The following CBFB variants were observed in gnomAD, a reference collection of about 807,000 sequenced individuals.
The protein encoded by CBFB is CBF-beta.
In CBFB, 9 loss-of-function variants were observed where a neutral mutation model predicts 30.4. That is an observed-to-expected ratio of 0.30 (90% CI 0.18 to 0.52). The LOEUF (loss-of-function observed/expected upper bound fraction) is 0.52, where lower values mean the gene tolerates loss of function less well. Among genes scored for constraint, CBFB ranks in the 20% least tolerant of loss-of-function variants. The pLI is 0.97. For missense variants in CBFB, 170 were observed against 244.0 expected, an observed-to-expected ratio of 0.70 and a Z score of 2.02; for synonymous variants, 94 against 84.0, an observed-to-expected ratio of 1.12 and a Z score of -0.65.
chr16:67,097,645 A>G (rs1962092008), intron 5 of CBFB, among the ~76,000 whole-genome samples: 2 of 152,192 alleles, frequency 1.3e-5, no homozygotes, highest in African/African-American at 4.8e-5. Flanking sequence ...TATCCATAAT[A>G]AAGTGCTACA....
At chr16:67,085,774 T>G (rs1961711953) in intron 5 of CBFB, among the ~76,000 whole-genome samples, 1 of 149,494 alleles carries the variant, frequency 6.7e-6, no homozygotes, top group Non-Finnish European at 1.5e-5. Context: ...GCCTCCCTGG[T>G]TCAAGCCATT....
Position 67,029,539 on chromosome 16 carries a change from G to A in CBFB, c.78+54G>A, listed in dbSNP as rs530036840. The A allele has an allele frequency of 7.9e-6, 12 of 1,521,778 alleles. No individual in the cohort carries two copies. In the South Asian group the frequency reaches 1.2e-4, roughly 15 times the overall value. The allele number at this position is 1,521,778 out of a possible 1,614,324, so 94.3% of individuals were successfully genotyped here. A position where few individuals can be genotyped will look rare whatever the true frequency, so the allele number is the denominator to read the frequency against. On this transcript the variant is annotated intron_variant, in intron 1 of 5. Transcript: ENST00000412916. ...GCCGCAGCGCGCCCCGAGTGGGCCCGGGCGGAGAAAAGTTTGGGCGGCACG... is the reference window on the plus strand; with the variant it reads ...GCCGCAGCGCGCCCCGAGTGGGCCCAGGCGGAGAAAAGTTTGGGCGGCACG...
intron 4 of CBFB, among the ~76,000 whole-genome samples, chr16:67,081,488 ACT>A (rs1242433452): frequency 2.6e-5 from 4 of 151,632 alleles, no homozygotes; most frequent in Non-Finnish European, 5.9e-5. Context: ...TTTCAGAAAT[ACT>A]CTGCTGTTTG....
At chr16:67,084,752 TGTGTGTGCATAC>T (rs1961671275) in intron 5 of CBFB, among the ~76,000 whole-genome samples, 1 of 152,132 alleles carries the variant, frequency 6.6e-6, no homozygotes, top group African/African-American at 2.4e-5. Context: ...TAAATTAAGG[TGTGTGTGCATAC>T]GTGTGTGTGT....
chr16:67,043,675 G>A (rs1171983133), intron 3 of CBFB, among the ~76,000 whole-genome samples: 1 of 152,194 alleles, frequency 6.6e-6, no homozygotes, highest in African/African-American at 2.4e-5. Flanking sequence ...TGTAAATGAG[G>A]ATCAGAATGT....
intron 3 of CBFB, among the ~76,000 whole-genome samples, chr16:67,060,246 G>A (rs954273343): frequency 2.6e-5 from 4 of 152,054 alleles, no homozygotes; most frequent in Admixed American, 6.6e-5. Flanking sequence ...AAGATTACAA[G>A]CGTGAGCCAC....
chr16:67,083,904 C>T, intron 5 of CBFB, among the ~76,000 whole-genome samples: 1 of 151,730 alleles, frequency 6.6e-6, no homozygotes, highest in East Asian at 1.9e-4. Flanking sequence ...TGCTATGGCT[C>T]ACACTTGTAA....
intron 5 of CBFB, among the ~76,000 whole-genome samples, chr16:67,085,462 G>A (rs541625106): frequency 8.0e-6 from 1 of 125,764 alleles, no homozygotes; most frequent in South Asian, 2.7e-4. Flanking sequence ...GAGCCACCGT[G>A]CCCAGACTTG....
At chr16:67,052,367 C>G (rs551866569) in intron 3 of CBFB, among the ~76,000 whole-genome samples, 4 of 151,976 alleles carry the variant, frequency 2.6e-5, no homozygotes, top group Non-Finnish European at 4.4e-5. Context: ...GCCAGGAGTC[C>G]GAGACCAGCC....
intron 5 of CBFB, among the ~76,000 whole-genome samples, chr16:67,095,648 G>A (rs1015383827): frequency 2.0e-5 from 3 of 150,836 alleles, no homozygotes; most frequent in Non-Finnish European, 4.4e-5. Context: ...CCTGTGAATA[G>A]CCACTGCACT....
intron 4 of CBFB, among the ~76,000 whole-genome samples, chr16:67,080,241 G>T (rs538229112): frequency 6.6e-6 from 1 of 152,342 alleles, no homozygotes; most frequent in African/African-American, 2.4e-5. Flanking sequence ...TGGCTGTGTG[G>T]TAGATTGGGT....
intron 5 of CBFB, among the ~76,000 whole-genome samples, chr16:67,085,164 CTGTGTGTGTCTCTG>C (rs1406835000): frequency 6.6e-6 from 1 of 150,382 alleles, no homozygotes; most frequent in East Asian, 2.0e-4. Context: ...GTGTGTGTCT[CTGTGTGTGTCTCTG>C]TGTGTGTGTG....
At chr16:67,064,198 A>G (rs1960989774) in intron 3 of CBFB, among the ~76,000 whole-genome samples, 1 of 152,006 alleles carries the variant, frequency 6.6e-6, no homozygotes, top group African/African-American at 2.4e-5. Context: ...ACCTAAAATT[A>G]TGTGTTTTGT....
chr16:67,033,184 A>G (rs1374651270), intron 2 of CBFB, among the ~76,000 whole-genome samples: 3 of 152,114 alleles, frequency 2.0e-5, no homozygotes, highest in East Asian at 1.9e-4. Context: ...CTCATTTTGC[A>G]TTTAGATGTG....
At chr16:67,043,702 C>T (rs1966572934) in intron 3 of CBFB, among the ~76,000 whole-genome samples, 1 of 152,146 alleles carries the variant, frequency 6.6e-6, no homozygotes. Flanking sequence ...TATTCATGTG[C>T]CTCATGTGAG....
intron 4 of CBFB, among the ~76,000 whole-genome samples, chr16:67,069,455 T>C (rs1012923856): frequency 2.0e-5 from 3 of 151,880 alleles, no homozygotes; most frequent in African/African-American, 7.3e-5. Context: ...AGCTGACATA[T>C]GAACAAGAAA....
intron 2 of CBFB, among the ~76,000 whole-genome samples, chr16:67,031,904 A>G (rs1030026106): frequency 6.6e-6 from 1 of 151,306 alleles, no homozygotes; most frequent in Non-Finnish European, 1.5e-5. Flanking sequence ...ATGAGGCACT[A>G]CAGCCTCAAA....
At chr16:67,041,602 CAAAAA>C (rs894439635) in intron 3 of CBFB, among the ~76,000 whole-genome samples, 1 of 145,098 alleles carries the variant, frequency 6.9e-6, no homozygotes, top group South Asian at 2.2e-4. Flanking sequence ...AACTCCATCT[CAAAAA>C]AAAAAGAATG....
intron 5 of CBFB, among the ~76,000 whole-genome samples, chr16:67,091,207 C>CT (rs1242197772): frequency 6.6e-6 from 1 of 152,168 alleles, no homozygotes; most frequent in Non-Finnish European, 1.5e-5. Context: ...TCTTGGTTCT[C>CT]TATCAGAGGA....
Sources: gnomAD v4.1 joint callset for allele counts (sites outside exome capture counted in the v4.1 genomes callset) on GRCh38, gnomAD v4.1.1 for gene constraint, MANE v1.5 for transcripts, NCBI Gene and HGNC (gene_info 2026-07-23, HGNC 2026-07-21) for gene names.